Variants in GPHN observed in about 807,000 individuals in gnomAD.
GPHN encodes gephyrin.
A neutral mutation model predicts 95.5 loss-of-function variants in GPHN; 17 were observed. That is an observed-to-expected ratio of 0.18 (90% CI 0.12 to 0.27). The LOEUF (loss-of-function observed/expected upper bound fraction) is 0.27. Among genes scored for constraint, GPHN ranks in the 10% least tolerant of loss-of-function variants. The probability of loss-of-function intolerance (pLI) is 1.00; values close to 1 mark genes in which losing one functional copy is unlikely to be tolerated. For missense variants in GPHN, 660 were observed against 978.1 expected (o/e 0.67, Z 4.34); for synonymous variants, 320 against 322.5 (o/e 0.99, Z 0.08).
intron 5 of GPHN, among the ~76,000 whole-genome samples, chr14:66,902,988 A>T (rs139281598): frequency 6.6e-6 from 1 of 152,160 alleles, no homozygotes; most frequent in Admixed American, 6.6e-5. Flanking sequence ...CAAATAAACT[A>T]GAAAATCTAG....
At chr14:66,596,474 C>T (rs1360753517) in intron 1 of GPHN, among the ~76,000 whole-genome samples, 1 of 152,160 alleles carries the variant, frequency 6.6e-6, no homozygotes, top group Non-Finnish European at 1.5e-5. Context: ...CTGCATCAAG[C>T]CACTCTTAGC....
chr14:67,048,709 CA>C (rs1223175218), intron 10 of GPHN, among the ~76,000 whole-genome samples: 1 of 152,122 alleles, frequency 6.6e-6, no homozygotes, highest in Non-Finnish European at 1.5e-5. Context: ...AGTCTACCTG[CA>C]AATTAACAGT....
At chr14:67,411,865 C>T in the GPHN span, among the ~76,000 whole-genome samples, 1 of 152,118 alleles carries the variant, frequency 6.6e-6, no homozygotes, top group African/African-American at 2.4e-5. Context: ...GCAGCTCTGC[C>T]CATCAGGGCC....
chr14:66,880,795 G>A (rs2063892138), intron 5 of GPHN, among the ~76,000 whole-genome samples: 1 of 151,720 alleles, frequency 6.6e-6, no homozygotes, highest in Non-Finnish European at 1.5e-5. Flanking sequence ...ATCCATCCTC[G>A]ATTTAATGGT....
chr14:67,156,704 C>T lies in GPHN; in HGVS notation c.1837-2711C>T, dbSNP rs575336428. 1.1e-3 allele frequency among the ~76,000 whole-genome samples: 172 copies of T among 152,132 alleles called. 1 individual carries two copies. The highest frequency in any genetic ancestry group is 3.4e-3 in the African/African-American group (143 of 41,492). On this transcript the variant is annotated intron_variant, in intron 18 of 22. Transcript: ENST00000478722. Reference sequence around the variant, plus strand: ...AATCATACTACATGTAGGCCAGGTGCGGTGGCTCATGCCTATAATCCCAGC... The same window carrying T: ...AATCATACTACATGTAGGCCAGGTGTGGTGGCTCATGCCTATAATCCCAGC...
At chr14:67,622,846 C>T in the GPHN span, among the ~76,000 whole-genome samples, 1 of 152,172 alleles carries the variant, frequency 6.6e-6, no homozygotes, top group Non-Finnish European at 1.5e-5. Flanking sequence ...CTGGAGGAGA[C>T]CTCTATAACA....
intron 2 of GPHN, among the ~76,000 whole-genome samples, chr14:66,704,887 GA>G (rs1307364750): frequency 3.4e-5 from 5 of 145,676 alleles, no homozygotes; most frequent in African/African-American, 1.1e-4. Flanking sequence ...CTGGTCATTT[GA>G]AAAGATTAAC....
chr14:66,842,864 G>T, intron 4 of GPHN: 1 of 636,668 alleles, frequency 1.6e-6, no homozygotes, highest in South Asian at 2.0e-5. Flanking sequence ...ATGTTCTAGG[G>T]TCATTCTGTA....
At chr14:67,645,811 G>A in the GPHN span, 9 of 1,612,582 alleles carry the variant, frequency 5.6e-6, no homozygotes, top group Admixed American at 3.3e-5. Context: ...AGGTCAGTGG[G>A]CCAAAACGAA....
At chr14:67,359,830 G>C in the GPHN span, 1 of 1,005,074 alleles carries the variant, frequency 9.9e-7, no homozygotes, top group South Asian at 1.4e-5. Flanking sequence ...TTGTTGCTAA[G>C]AGGCAGCAGG....
the GPHN span, among the ~76,000 whole-genome samples, chr14:67,596,868 C>A: frequency 1.3e-5 from 2 of 152,226 alleles, no homozygotes; most frequent in African/African-American, 4.8e-5. Flanking sequence ...ATATTCGGAA[C>A]TGAGGAAATT....
chr14:67,716,425 A>T, the GPHN span, among the ~76,000 whole-genome samples: 11 of 152,350 alleles, frequency 7.2e-5, no homozygotes, highest in South Asian at 1.9e-3. Context: ...GAAAGTTTTT[A>T]AAAAAGTGAA....
the GPHN span, chr14:67,647,227 G>A: frequency 4.2e-6 from 2 of 471,860 alleles, no homozygotes; most frequent in South Asian, 8.0e-5. Flanking sequence ...CTAAATCATT[G>A]CCTAGATCTT....
At chr14:67,238,269 C>CTTTTT in the GPHN span, among the ~76,000 whole-genome samples, 4 of 125,224 alleles carry the variant, frequency 3.2e-5, no homozygotes, top group African/African-American at 9.5e-5. Context: ...TTCTTGCTTT[C>CTTTTT]TTTTTTTTTT....
the GPHN span, chr14:67,352,759 T>C: frequency 1.8e-6 from 1 of 562,688 alleles, no homozygotes; most frequent in Non-Finnish European, 3.1e-6. Context: ...GTTTGGATTT[T>C]ATTAAATGAA....
At chr14:67,128,185 T>C (rs1411486852) in intron 17 of GPHN, among the ~76,000 whole-genome samples, 3 of 152,206 alleles carry the variant, frequency 2.0e-5, no homozygotes, top group Admixed American at 6.5e-5. Flanking sequence ...AATATGAAAC[T>C]AGTAAAGCCT....
the GPHN span, among the ~76,000 whole-genome samples, chr14:67,254,692 ATTTC>A: frequency 6.6e-6 from 1 of 152,182 alleles, no homozygotes; most frequent in African/African-American, 2.4e-5. Context: ...GTTATTTGGT[ATTTC>A]TTCAGTGACA....
the GPHN span, chr14:67,583,958 T>G: frequency 6.2e-7 from 1 of 1,613,220 alleles, no homozygotes; most frequent in East Asian, 2.2e-5. Flanking sequence ...ACGTCGGCAC[T>G]TCATTGGCAC....
chr14:66,964,217 TATA>T (rs139534110), intron 8 of GPHN, among the ~76,000 whole-genome samples: 10,820 of 152,214 alleles, frequency 0.071, 525 homozygotes, highest in Non-Finnish European at 0.11. Flanking sequence ...TGTTGATAAG[TATA>T]ATAATAACAG....
Sources: allele counts gnomAD v4.1 joint callset (sites outside exome capture counted in the v4.1 genomes callset), GRCh38; gene constraint gnomAD v4.1.1; transcripts MANE v1.5; gene names NCBI Gene and HGNC (gene_info 2026-07-23, HGNC 2026-07-21).